The following LAMB1 variants were observed in gnomAD, a reference collection of about 807,000 sequenced individuals.
LAMB1 encodes the protein laminin subunit beta 1.
LAMB1 carries 121 observed loss-of-function variants against 222.3 expected under a neutral mutation model. That is an observed-to-expected ratio of 0.54 (90% CI 0.47 to 0.63). The LOEUF is 0.63. Ranked by LOEUF, LAMB1 falls within the 30% of genes least tolerant of loss-of-function variation. The pLI is 0.00. For synonymous variants in LAMB1, 794 were observed against 807.2 expected, an observed-to-expected ratio of 0.98 and a Z score of 0.28; for missense variants, 2,172 against 2,240.8, an observed-to-expected ratio of 0.97 and a Z score of 0.62.
chr7:107,935,075 A>C (rs980252439), intron 27 of LAMB1, among the ~76,000 whole-genome samples: 4 of 151,920 alleles, frequency 2.6e-5, no homozygotes, highest in African/African-American at 7.3e-5. Context: ...AATATTAAAG[A>C]AATGTCCACA....
rs1175950338 is a variant in LAMB1 at position 107,989,642 on chromosome 7, G to C, written c.424-3279C>G. ...TCAGCCTAAGAATTTTAAAGTAAGA[G>C]AGAAAAATCCCTAAGGACTAACTGA... On this transcript the variant is annotated intron_variant, in intron 5 of 33. Transcript: ENST00000222399. 4.6e-5 allele frequency among the ~76,000 whole-genome samples: 7 copies of C among 152,164 alleles called. No individual in the cohort carries two copies. The East Asian group carries it at 1.2e-3, about 25-fold the overall frequency.
At chr7:107,977,528 G>C (rs569200443) in intron 9 of LAMB1, among the ~76,000 whole-genome samples, 1 of 152,114 alleles carries the variant, frequency 6.6e-6, no homozygotes, top group Non-Finnish European at 1.5e-5. Flanking sequence ...GCTCACATCT[G>C]TAAACTCCCA....
At chr7:107,943,462 T>G (rs2033042015) in intron 24 of LAMB1, among the ~76,000 whole-genome samples, 1 of 152,198 alleles carries the variant, frequency 6.6e-6, no homozygotes, top group Non-Finnish European at 1.5e-5. Flanking sequence ...TAAGAGTTTA[T>G]GTTGTTTAGA....
At chr7:107,993,432 C>A (rs1175489619) in intron 5 of LAMB1, among the ~76,000 whole-genome samples, 1 of 152,180 alleles carries the variant, frequency 6.6e-6, no homozygotes, top group Admixed American at 6.5e-5. Context: ...CCACGCCTGG[C>A]CCCAACTTGT....
At chr7:107,930,074 C>A in intron 29 of LAMB1, 1 of 161,900 alleles carries the variant, frequency 6.2e-6, no homozygotes. Flanking sequence ...TGAGGTTGGA[C>A]GAATAGCTCA....
chr7:107,978,447 CTTAAAA>C (rs1299221369), intron 8 of LAMB1, among the ~76,000 whole-genome samples: 6 of 134,272 alleles, frequency 4.5e-5, no homozygotes, highest in Admixed American at 1.5e-4. Flanking sequence ...AAGAAAATTA[CTTAAAA>C]TTAAAAAAAA....
chr7:107,986,647 C>T (rs1563005802), intron 5 of LAMB1, among the ~76,000 whole-genome samples: 1 of 152,180 alleles, frequency 6.6e-6, no homozygotes, highest in Non-Finnish European at 1.5e-5. Flanking sequence ...ATAGCAAACA[C>T]ACTTTCGTAT....
intron 5 of LAMB1, among the ~76,000 whole-genome samples, chr7:107,993,152 G>A (rs567269726): frequency 4.3e-4 from 66 of 152,030 alleles, no homozygotes; most frequent in Admixed American, 1.0e-3. Context: ...TCTTTTTCTC[G>A]AGACAGGGTC....
intron 28 of LAMB1, 66 bp downstream of exon 28, chr7:107,932,108 A>G: frequency 4.3e-6 from 6 of 1,383,780 alleles, no homozygotes; most frequent in Non-Finnish European, 1.0e-6. Flanking sequence ...TCTCCCTTTC[A>G]GATCCTTTAG....
At chr7:107,961,367 C>A in intron 16 of LAMB1, 38 bp from the exon 17 acceptor site, 1 of 1,609,170 alleles carries the variant, frequency 6.2e-7, no homozygotes, top group Non-Finnish European at 8.5e-7. Flanking sequence ...CAACGAAAGT[C>A]AACCTTCATG....
At chr7:107,985,226 T>TG (rs1343756298) in intron 7 of LAMB1, among the ~76,000 whole-genome samples, 2 of 152,208 alleles carry the variant, frequency 1.3e-5, no homozygotes, top group Non-Finnish European at 2.9e-5. Context: ...CAAGACCCTC[T>TG]GGTCAGGTAA....
At chr7:107,941,279 A>T (rs535848052) in intron 24 of LAMB1, among the ~76,000 whole-genome samples, 1 of 152,352 alleles carries the variant, frequency 6.6e-6, no homozygotes, top group South Asian at 2.1e-4. Flanking sequence ...TGACCAAATC[A>T]TTTTTATATC....
rs769794960 is a variant in LAMB1, at chr7:107,929,429, T to G, written c.4728A>C (p.Glu1576Asp). The G allele has an allele frequency of 6.2e-7, 1 of 1,614,082 alleles. No homozygotes were observed. The highest frequency in any genetic ancestry group is 1.7e-5 in the Admixed American group (1 of 60,010). The change falls in exon 30 of 34, where the codon GAA (glutamate) becomes GAC (aspartate). Residue 1576 changes from glutamate to aspartate, a missense_variant. By Grantham distance (45) the Glu-to-Asp change is conservative. Transcript: ENST00000222399. The stretch of plus-strand genomic sequence containing the variant: ...TTAGATACCTTGCTCTTTTAGCTTC[T>G]TCTAACAACATCTCAGCTCTGGCAA... Reference protein sequence around the residue: ...ADIARAEMLLEEAKRASKSAT... With the variant: ...ADIARAEMLLDEAKRASKSAT...
chr7:107,952,165 C>A lies in LAMB1; in HGVS notation c.3138G>T (p.Gln1046His), dbSNP rs1446158612. Residue 1046 changes from glutamine to histidine, a missense_variant, in exon 23 of 34, where the codon CAG (glutamine) becomes CAT (histidine). By Grantham distance (24) the Gln-to-His change is conservative. Coordinates refer to ENST00000222399, the MANE Select transcript of LAMB1 (RefSeq NM_002291.3). ...AGCACTGACCAGTGGCTTTGTCGCA[C>A]TGGCAGTCAGAGCCGTTACAGTGCT... is the stretch of plus-strand genomic sequence containing the variant. Reference protein sequence around the residue: ...VQEHCNGSDCQCDKATGQCLC... With the variant: ...VQEHCNGSDCHCDKATGQCLC... 3.1e-6 allele frequency: 5 copies of A among 1,613,488 alleles called. No individual in the cohort carries two copies. Among genetic ancestry groups the A allele is most frequent in the Admixed American group, 1.7e-5 (1 of 59,968 alleles).
At chr7:107,942,456 T>C (rs1476869719) in intron 24 of LAMB1, 1 of 152,294 alleles carries the variant, frequency 6.6e-6, no homozygotes, top group Non-Finnish European at 1.5e-5. Context: ...ATCTTTTTAT[T>C]GTCTTTGTTC....
chr7:107,972,215 C>A (rs2033763491), intron 13 of LAMB1, among the ~76,000 whole-genome samples: 1 of 152,178 alleles, frequency 6.6e-6, no homozygotes, highest in African/African-American at 2.4e-5. Context: ...ATACCTCATT[C>A]CTTCCCAGCA....
intron 2 of LAMB1, chr7:108,002,105 T>C: frequency 2.0e-6 from 3 of 1,474,966 alleles, no homozygotes; most frequent in Non-Finnish European, 2.7e-6. Flanking sequence ...GCAGGGAGGC[T>C]GACCCCCAAA....
At chr7:107,965,359 C>A (rs991461075) in intron 13 of LAMB1, among the ~76,000 whole-genome samples, 1 of 152,188 alleles carries the variant, frequency 6.6e-6, no homozygotes, top group Non-Finnish European at 1.5e-5. Flanking sequence ...ACAGGCGGAT[C>A]ACCTGAGGTT....
rs765766985 is a variant in LAMB1, at chr7:107,951,316, C to T, written c.3301G>A (p.Gly1101Arg). ...SFGPSCNEFT[G>R]QCQCMPGFGG... ...AACCCAGGCATGCACTGGCACTGCC[C>T]CGTGAACTGCGGCCAGAACACAGAC... The change falls in exon 24 of 34, where the codon GGG becomes AGG. Residue 1101 changes from glycine (G) to arginine (R), a missense_variant. Physicochemically the swap from Gly to Arg is moderately radical, Grantham distance 125. Coordinates refer to ENST00000222399, the MANE Select transcript of LAMB1 (RefSeq NM_002291.3). The T allele has an allele frequency of 1.2e-6, 2 of 1,614,074 alleles. No individual in the cohort carries two copies. Among genetic ancestry groups the T allele is most frequent in the East Asian group, 4.5e-5 (2 of 44,856 alleles).
Sources: gnomAD v4.1 joint callset for allele counts (sites outside exome capture counted in the v4.1 genomes callset) on GRCh38, gnomAD v4.1.1 for gene constraint, MANE v1.5 for transcripts, NCBI Gene and HGNC (gene_info 2026-07-23, HGNC 2026-07-21) for gene names.